Variants in ABCF1 observed in about 807,000 individuals in gnomAD.
ABCF1 encodes the protein ATP binding cassette subfamily F member 1, also known as ATP-binding cassette sub-family F member 1.
A neutral mutation model predicts 126.3 loss-of-function variants in ABCF1; 73 were observed. The ratio of observed to expected loss-of-function variants is 0.58; its 90% CI spans 0.48 to 0.70. The LOEUF (loss-of-function observed/expected upper bound fraction) is 0.70, where lower values mean the gene tolerates loss of function less well. Among genes scored for constraint, ABCF1 ranks in the 30% least tolerant of loss-of-function variants. ABCF1 has a pLI of 0.00. For synonymous variants in ABCF1, 345 were observed against 396.4 expected (o/e 0.87, Z 1.54); for missense variants, 786 against 1,057.5 (o/e 0.74, Z 3.56).
chr6:30,585,353 G>C lies in ABCF1; in HGVS notation c.1475+10G>C. ...TCATCTGGCTTAATAAGTGCGTTAC[G>C]GCCTTTGCATCATTGGTTCCCATTC... On this transcript the variant is annotated intron_variant, in intron 15 of 24. Coordinates refer to ENST00000326195, the MANE Select transcript of ABCF1 (RefSeq NM_001025091.2). The C allele has an allele frequency of 1.2e-6, 2 of 1,612,292 alleles. No individual in the cohort carries two copies. Among genetic ancestry groups the C allele is most frequent in the Non-Finnish European group, 1.7e-6 (2 of 1,179,104 alleles).
intron 1 of ABCF1, among the ~76,000 whole-genome samples, chr6:30,571,799 A>C (rs1258878340): frequency 6.6e-6 from 1 of 152,026 alleles, no homozygotes; most frequent in African/African-American, 2.4e-5. Flanking sequence ...TAAAAGAAAG[A>C]GCATATGGCA....
rs555432246 is a variant in ABCF1 at position 30,590,998 on chromosome 6, T to C, written c.*297T>C. Reference sequence around the variant, plus strand: ...GTGAGGTTCCATCCAGCCAAGTTTATGTGGCCTATTGTCTCAGGACTCTCA... The same window carrying C: ...GTGAGGTTCCATCCAGCCAAGTTTACGTGGCCTATTGTCTCAGGACTCTCA... On this transcript the variant is annotated 3_prime_UTR_variant, in exon 25 of 25. Transcript: ENST00000326195. 2.8e-6 allele frequency: 1 copy of C among 361,998 alleles called. No individual in the cohort carries two copies. Among genetic ancestry groups the C allele is most frequent in the Non-Finnish European group, 4.9e-6 (1 of 202,996 alleles). 22.4% of individuals were successfully genotyped at this position (361,998 alleles called of 1,614,324 possible).
Position 30,583,630 on chromosome 6 carries a change from C to T in ABCF1, c.938C>T (p.Ala313Val). ...CAGCTGGAGAAGTTCAGCATCTCCG[C>T]TCATGGCAAGGAGCTGTTCGTCAAT... ...DIKLEKFSIS[A>V]HGKELFVNAD... The change falls in exon 11 of 25, where the codon GCT (alanine) becomes GTT (valine). Residue 313 changes from alanine to valine, a missense_variant. Around this residue, in one of 4 missense-constraint regions of ABCF1, gnomAD observed 163 missense variants for 255.3 expected, o/e 0.64. Coordinates refer to ENST00000326195, the MANE Select transcript of ABCF1 (RefSeq NM_001025091.2). This position sits in a 1 kb window ranked among gnomAD's most constrained non-coding sequence, Gnocchi z 4.1. 1 of 1,614,030 alleles carries T rather than the reference C, an allele frequency of 6.2e-7. No individual in the cohort carries two copies. The highest frequency in any genetic ancestry group is 8.5e-7 in the Non-Finnish European group (1 of 1,179,914).
intron 6 of ABCF1, among the ~76,000 whole-genome samples, chr6:30,579,210 T>C (rs2127407861): frequency 6.6e-6 from 1 of 152,242 alleles, no homozygotes; most frequent in East Asian, 1.9e-4. Context: ...CGCACTTGCC[T>C]GACTTATAAT....
chr6:30,582,612 GT>G (rs1801884026), intron 9 of ABCF1, 105 bp downstream of exon 9: 6 of 1,149,170 alleles, frequency 5.2e-6, no homozygotes, highest in Non-Finnish European at 6.3e-6. Context: ...GCTACTCCAA[GT>G]AAAACAATCG....
chr6:30,586,687 G>A lies in ABCF1; in HGVS notation c.2007G>A (p.Leu669=), dbSNP rs1413806206. The A allele has an allele frequency of 6.2e-7, 1 of 1,613,872 alleles. No individual in the cohort carries two copies. Among genetic ancestry groups the A allele is most frequent in the South Asian group, 1.1e-5 (1 of 91,074 alleles). ...GTGTGGGGAAGAGTACGCTACTCCT[G>A]CTGCTGACTGGCAAGCTGACACCGG... ...PNGVGKSTLL[L]LLTGKLTPTH... is the part of the protein sequence containing the mutation. Residue 669 remains leucine, a synonymous_variant, in exon 20 of 25, where the codon CTG becomes CTA. Transcript: ENST00000326195. The surrounding 1 kb of genome is among the most constrained non-coding windows in gnomAD (Gnocchi z 4.9).
intron 6 of ABCF1, among the ~76,000 whole-genome samples, chr6:30,579,455 A>T (rs1466398474): frequency 1.1e-3 from 127 of 111,988 alleles, no homozygotes; most frequent in South Asian, 2.0e-3. Flanking sequence ...AGTTGGAACT[A>T]TTTTTTTTTT....
Position 30,590,749 on chromosome 6 carries a change from A to G in ABCF1, c.*48A>G. On this transcript the variant is annotated 3_prime_UTR_variant, in exon 25 of 25. Coordinates refer to ENST00000326195, the MANE Select transcript of ABCF1 (RefSeq NM_001025091.2). ...CGAGAGACATATTTGTGTGGCCTAG[A>G]AGTCCTCTGTGGTCTCCCCTCCTCT... 1 of 1,555,188 alleles carries G rather than the reference A, an allele frequency of 6.4e-7. No homozygotes were observed. Among genetic ancestry groups the G allele is most frequent in the Non-Finnish European group, 8.7e-7 (1 of 1,151,444 alleles).
chr6:30,577,579 C>A, intron 2 of ABCF1, 124 bp downstream of exon 2: 1 of 1,245,328 alleles, frequency 8.0e-7, no homozygotes, highest in South Asian at 1.4e-5. Flanking sequence ...AGGAGATAGG[C>A]AGGGCACGGT....
chr6:30,572,667 T>C (rs1321639089), intron 1 of ABCF1, among the ~76,000 whole-genome samples: 2 of 152,118 alleles, frequency 1.3e-5, no homozygotes, highest in Non-Finnish European at 2.9e-5. Flanking sequence ...CCACACCTTA[T>C]TTTTAAAATT....
intron 8 of ABCF1, among the ~76,000 whole-genome samples, chr6:30,582,174 A>G (rs1242948758): frequency 6.6e-6 from 1 of 151,798 alleles, no homozygotes; most frequent in Non-Finnish European, 1.5e-5. Context: ...CTCCTGCCTC[A>G]GCCTCCCGAG....
chr6:30,583,912 G>T lies in ABCF1; in HGVS notation c.1102+22G>T. The T allele has an allele frequency of 6.2e-7, 1 of 1,610,646 alleles. No individual in the cohort carries two copies. Among genetic ancestry groups the T allele is most frequent in the South Asian group, 1.1e-5 (1 of 91,000 alleles). The stretch of plus-strand genomic sequence containing the variant: ...CAGGGTGAGACCACTGGGGAGAAAA[G>T]GGGCTTGGTGGGGTGGGCAGTTGGG... On this transcript the variant is annotated intron_variant, in intron 12 of 24. Transcript: ENST00000326195. The surrounding 1 kb of genome is among the most constrained non-coding windows in gnomAD (Gnocchi z 4.1).
In ABCF1 at chr6:30,585,976, G is replaced by A. The variant is rs887679101; in HGVS notation, c.1698G>A (p.Lys566=). ...TGAAGGAGCTGAAGGCAGGCGGGAA[G>A]TCCACCAAGCAGGCGGTGAGCACCT... ...KKLKELKAGG[K]STKQAEKQTK... Residue 566 remains lysine (K), a synonymous_variant, in exon 17 of 25, where the codon AAG becomes AAA. Transcript: ENST00000326195. The A allele has an allele frequency of 1.2e-6, 2 of 1,610,180 alleles. No homozygotes were observed. Among genetic ancestry groups the A allele is most frequent in the African/African-American group, 1.3e-5 (1 of 74,856 alleles).
intron 20 of ABCF1, 84 bp from the exon 21 acceptor site, chr6:30,589,602 CAA>C (rs112144975): frequency 0.011 from 13,398 of 1,190,296 alleles, no homozygotes; most frequent in Non-Finnish European, 0.012. Context: ...GACTCCGTCT[CAA>C]AAAAAAAAAA....
At chr6:30,590,087 G>A (rs897561423) in intron 22 of ABCF1, 62 bp from the exon 23 acceptor site, 4 of 1,610,878 alleles carry the variant, frequency 2.5e-6, no homozygotes, top group Non-Finnish European at 3.4e-6. Flanking sequence ...GGCACATCTT[G>A]AGGGTTTGCC....
At chr6:30,571,925 C>T (rs937022491) in intron 1 of ABCF1, among the ~76,000 whole-genome samples, 10 of 152,218 alleles carry the variant, frequency 6.6e-5, no homozygotes, top group African/African-American at 2.2e-4. Context: ...CTCCCCTTCC[C>T]CCTGCGCGCG....
Position 30,583,461 on chromosome 6 carries a change from G to A in ABCF1, c.916-147G>A, listed in dbSNP as rs905107375. 2.1e-5 allele frequency: 20 copies of A among 936,538 alleles called. No homozygotes were observed. The highest frequency in any genetic ancestry group is 2.8e-5 in the Non-Finnish European group (17 of 604,074). 58.0% of individuals were successfully genotyped at this position (936,538 alleles called of 1,614,324 possible). On this transcript the variant is annotated intron_variant, in intron 10 of 24. Coordinates refer to ENST00000326195, the MANE Select transcript of ABCF1 (RefSeq NM_001025091.2). The surrounding 1 kb of genome is among the most constrained non-coding windows in gnomAD (Gnocchi z 4.1). ...ACAGGCAGCGAACAGGGCGGGGACC[G>A]GCTGTGGGGAGAGGAAGGGGATTAT...
In ABCF1 at chr6:30,578,518, G is replaced by T; in HGVS notation, c.430G>T (p.Glu144Ter). The T allele has an allele frequency of 6.2e-7, 1 of 1,613,948 alleles. No individual in the cohort carries two copies. The highest frequency in any genetic ancestry group is 1.3e-5 in the African/African-American group (1 of 74,972). Reference sequence around the variant, plus strand: ...GATTCAGGATCAGAGTGAGGAAGAGGAGGAGGAAGAAAAACATCCTCCTAA... The same window carrying T: ...GATTCAGGATCAGAGTGAGGAAGAGTAGGAGGAAGAAAAACATCCTCCTAA... ...ALIQDQSEEE[E>*]EEEKHPPKPA... Residue 144 changes from glutamate (E) to a stop codon, truncating the protein, a stop_gained, in exon 6 of 25, where the codon GAG becomes TAG. Coordinates refer to ENST00000326195, the MANE Select transcript of ABCF1 (RefSeq NM_001025091.2). LOFTEE classifies it high-confidence loss of function.
chr6:30,589,128 A>G (rs1802305308), intron 20 of ABCF1, among the ~76,000 whole-genome samples: 1 of 152,026 alleles, frequency 6.6e-6, no homozygotes, highest in African/African-American at 2.4e-5. Flanking sequence ...CCTCCTGAGT[A>G]GCTGGGATTA....
Sources: gnomAD v4.1 joint callset for allele counts (sites outside exome capture counted in the v4.1 genomes callset) on GRCh38, gnomAD v4.1.1 for gene constraint, gnomAD v4.1.1 regional missense constraint, Gnocchi (gnomAD v3.1) non-coding constraint, MANE v1.5 for transcripts, NCBI Gene and HGNC (gene_info 2026-07-23, HGNC 2026-07-21) for gene names.